Variants in METTL6 observed in about 807,000 individuals in gnomAD.
METTL6 encodes methyltransferase 6, tRNA N3-cytidine, also known as tRNA N(3)-cytidine methyltransferase METTL6.
Under a neutral mutation model 26.4 loss-of-function variants are expected in METTL6, and 22 were observed. That is an observed-to-expected ratio of 0.83 (90% confidence interval 0.59 to 1.19). METTL6 has a LOEUF of 1.19. METTL6 is among the 50% of genes most tolerant of loss of function. The probability of loss-of-function intolerance (pLI) is 0.00; values close to 1 mark genes in which losing one functional copy is unlikely to be tolerated. For synonymous variants in METTL6, 109 were observed against 116.2 expected (o/e 0.94, Z 0.40); for missense variants, 304 against 324.8 (o/e 0.94, Z 0.49).
chr3:15,401,881 T>C (rs1255039411), intron 6 of METTL6, among the ~76,000 whole-genome samples: 2 of 152,218 alleles, frequency 1.3e-5, no homozygotes, highest in African/African-American at 4.8e-5. Context: ...GAAATAACTA[T>C]AAGTATACTC....
Position 15,410,723 on chromosome 3 carries a change from G to A in METTL6, c.*533C>T, listed in dbSNP as rs1256758906. Among the ~76,000 whole-genome samples, 1 of 152,054 alleles carries A rather than the reference G, an allele frequency of 6.6e-6. No homozygotes were observed. The highest frequency in any genetic ancestry group is 6.6e-5 in the Admixed American group (1 of 15,254). On this transcript the variant is annotated 3_prime_UTR_variant, in exon 6 of 6. Transcript: ENST00000383790. Reference sequence around the variant, plus strand: ...ACATGCTCATTAAAAAAAATTAAGGGCCAGGCATGGTGGCTTACACCTGTA... The same window carrying A: ...ACATGCTCATTAAAAAAAATTAAGGACCAGGCATGGTGGCTTACACCTGTA...
At chr3:15,393,055 G>A (rs1699391909) in intron 6 of METTL6, among the ~76,000 whole-genome samples, 2 of 152,154 alleles carry the variant, frequency 1.3e-5, no homozygotes, top group South Asian at 4.1e-4. Flanking sequence ...TAGCTTGAGA[G>A]GGATGGCATT....
chr3:15,412,536 G>A (rs1225043481), intron 5 of METTL6, among the ~76,000 whole-genome samples: 1 of 151,944 alleles, frequency 6.6e-6, no homozygotes, highest in East Asian at 1.9e-4. Flanking sequence ...CCAGGCTGGA[G>A]GGCAGTGGTA....
At chr3:15,402,745 AAAAAG>A (rs2124935646) in intron 6 of METTL6, among the ~76,000 whole-genome samples, 1 of 150,586 alleles carries the variant, frequency 6.6e-6, no homozygotes. Context: ...CAAAAAAAAA[AAAAAG>A]AAAAAGAAAA....
chr3:15,387,780 G>C (rs1699236837), intron 6 of METTL6, among the ~76,000 whole-genome samples: 2 of 152,024 alleles, frequency 1.3e-5, no homozygotes, highest in Non-Finnish European at 2.9e-5. Flanking sequence ...TCAGGGAACA[G>C]AGATTAGCTT....
rs770109692 is a variant in METTL6 at position 15,414,074 on chromosome 3, C to T, written c.620G>A (p.Gly207Glu). Residue 207 changes from glycine (G) to glutamate (E), a missense_variant, in exon 5 of 6, where the codon GGA (glycine) becomes GAA (glutamate). By Grantham distance (98) the Gly-to-Glu change is moderately conservative (BLOSUM62 -2). Coordinates refer to ENST00000383790, the MANE Select transcript of METTL6 (RefSeq NM_152396.4). ...ATCTTGTCTAACATAAAAGTTTTCT[C>T]CAAGTTTGCTGCTGGCTTTAAACCT... ...MLRFKASSKLGENFYVRQDGT... is the reference protein window; with the variant it reads ...MLRFKASSKLEENFYVRQDGT... The T allele has an allele frequency of 1.2e-6, 2 of 1,614,052 alleles. No homozygotes were observed. The highest frequency in any genetic ancestry group is 1.3e-5 in the African/African-American group (1 of 74,924).
rs773982574 is a variant in METTL6, at chr3:15,415,820, T to C, written c.483A>G (p.Ser161=). The change falls in exon 4 of 6, where the codon TCA becomes TCG. Residue 161 remains serine, a synonymous_variant. Transcript: ENST00000383790. ...GGTGCATCTTATCAGGATGAACAGCTGACAGCACAAATATCAACATAACAA... is the reference window on the plus strand; with the variant it reads ...GGTGCATCTTATCAGGATGAACAGCCGACAGCACAAATATCAACATAACAA... ...VDVVMLIFVL[S]AVHPDKMHLV... The C allele has an allele frequency of 6.2e-6, 10 of 1,614,188 alleles. No homozygotes were observed. Among genetic ancestry groups the C allele is most frequent in the Non-Finnish European group, 7.6e-6 (9 of 1,180,032 alleles).
In METTL6 at chr3:15,391,655, C is replaced by A. The variant is rs13079290; in HGVS notation, c.*12-7468G>T. 8.4e-5 allele frequency among the ~76,000 whole-genome samples: 10 copies of A among 119,210 alleles called. No individual in the cohort carries two copies. The Admixed American group carries it at 9.0e-4, about 11-fold the overall frequency. The allele number at this position is 119,210 out of a possible 152,430, so 78.2% of individuals were successfully genotyped here. On this transcript the variant is annotated intron_variant, in intron 6 of 6. Coordinates refer to the METTL6 transcript ENST00000443029. ...TAATGCTATCCCTCCCCCCTCCCCC[C>A]ACCCCACAATAGGCCCCGGTGTGTG...
At chr3:15,388,449 G>T (rs1399649913) in intron 6 of METTL6, among the ~76,000 whole-genome samples, 1 of 152,142 alleles carries the variant, frequency 6.6e-6, no homozygotes, top group African/African-American at 2.4e-5. Flanking sequence ...GGTGAGTAGG[G>T]GAAAGCCAGT....
At chr3:15,396,720 T>A (rs1030461100) in intron 6 of METTL6, among the ~76,000 whole-genome samples, 2 of 152,366 alleles carry the variant, frequency 1.3e-5, no homozygotes, top group African/African-American at 4.8e-5. Context: ...GACCCTCAGC[T>A]ACAGGTCTGT....
chr3:15,417,346 T>C (rs1033612381), intron 3 of METTL6, among the ~76,000 whole-genome samples: 2 of 151,772 alleles, frequency 1.3e-5, no homozygotes, highest in Non-Finnish European at 2.9e-5. Flanking sequence ...TCCCAGTTAC[T>C]GGGAAGACTG....
intron 3 of METTL6, 30 bp downstream of exon 3, chr3:15,424,923 AAC>A: frequency 1.2e-6 from 2 of 1,610,208 alleles, no homozygotes; most frequent in Non-Finnish European, 1.7e-6. Context: ...AGAAAACAGA[AAC>A]ACAGCAGAAT....
intron 6 of METTL6, among the ~76,000 whole-genome samples, chr3:15,393,162 T>C (rs1174006191): frequency 6.6e-6 from 1 of 152,232 alleles, no homozygotes; most frequent in African/African-American, 2.4e-5. Flanking sequence ...TTGTATCCTC[T>C]TCTATTACAT....
At chr3:15,415,020 A>G (rs907747205) in intron 4 of METTL6, 1 of 1,065,724 alleles carries the variant, frequency 9.4e-7, no homozygotes, top group African/African-American at 1.7e-5. Flanking sequence ...TAGTACTCAA[A>G]CTGTATTCAA....
chr3:15,392,860 C>T (rs1177438718), intron 6 of METTL6, among the ~76,000 whole-genome samples: 1 of 152,166 alleles, frequency 6.6e-6, no homozygotes, highest in African/African-American at 2.4e-5. Flanking sequence ...GTCTATATCT[C>T]TGTTTTGGTA....
At chr3:15,394,323 T>A (rs1699428131) in intron 6 of METTL6, among the ~76,000 whole-genome samples, 2 of 152,228 alleles carry the variant, frequency 1.3e-5, no homozygotes, top group Admixed American at 1.3e-4. Flanking sequence ...AGTTTGTATT[T>A]CTGTGGGATC....
At chr3:15,397,468 G>C (rs1699522560) in intron 6 of METTL6, among the ~76,000 whole-genome samples, 1 of 152,120 alleles carries the variant, frequency 6.6e-6, no homozygotes, top group African/African-American at 2.4e-5. Context: ...TTCGGCTCGG[G>C]CTCAATGCAC....
At chr3:15,387,442 T>C (rs996142057) in intron 6 of METTL6, among the ~76,000 whole-genome samples, 3 of 152,254 alleles carry the variant, frequency 2.0e-5, no homozygotes, top group African/African-American at 7.2e-5. Context: ...CCTAACTGCC[T>C]GGGAATGCAG....
intron 2 of METTL6, among the ~76,000 whole-genome samples, chr3:15,425,486 T>A (rs1288790649): frequency 6.6e-6 from 1 of 152,238 alleles, no homozygotes; most frequent in African/African-American, 2.4e-5. Context: ...AAAACAGCCA[T>A]GGTAAATAGT....
Sources: allele counts gnomAD v4.1 joint callset (sites outside exome capture counted in the v4.1 genomes callset), GRCh38; gene constraint gnomAD v4.1.1; transcripts MANE v1.5; gene names NCBI Gene and HGNC (gene_info 2026-07-23, HGNC 2026-07-21).